TLCD3B: variants seen among roughly 807,000 people sequenced by gnomAD.
The protein encoded by TLCD3B is TLC domain containing 3B, also known as ceramide synthase.
TLCD3B carries 9 observed loss-of-function variants against 23.0 expected under a neutral mutation model. The observed-to-expected ratio is 0.39, with a 90% confidence interval of 0.24 to 0.68. The LOEUF (loss-of-function observed/expected upper bound fraction) is 0.68, where lower values mean the gene tolerates loss of function less well. Ranked by LOEUF, TLCD3B falls within the 30% of genes least tolerant of loss-of-function variation. The probability of loss-of-function intolerance (pLI) is 0.44; values close to 1 mark genes in which losing one functional copy is unlikely to be tolerated. For synonymous variants in TLCD3B, 161 were observed against 161.0 expected, an observed-to-expected ratio of 1.00 and a Z score of 0.00; for missense variants, 307 against 371.8, an observed-to-expected ratio of 0.83 and a Z score of 1.43.
rs1199417114 is a variant in TLCD3B, at chr16:30,025,060, G to T, written c.*123C>A. 4.7e-6 allele frequency: 3 copies of T among 644,186 alleles called. No individual in the cohort carries two copies. Among genetic ancestry groups the T allele is most frequent in the Middle Eastern group, 4.2e-4 (1 of 2,358 alleles). The allele number at this position is 644,186 out of a possible 1,614,324, so 39.9% of individuals were successfully genotyped here. A position where few individuals can be genotyped will look rare whatever the true frequency, so the allele number is the denominator to read the frequency against. On this transcript the variant is annotated 3_prime_UTR_variant, in exon 5 of 5. Transcript: ENST00000380495. The surrounding 1 kb of genome is among the most constrained non-coding windows in gnomAD (Gnocchi z 4.1). The stretch of plus-strand genomic sequence containing the variant: ...GAGATGGGGCCTCTTCCCTTTCGGG[G>T]TCATCGTCAGTCCTGGGGTTGTCCG...
chr16:30,042,757 TTTG>T (rs2071598088), intron 2 of TLCD3B, among the ~76,000 whole-genome samples: 2 of 152,138 alleles, frequency 1.3e-5, no homozygotes, highest in African/African-American at 4.8e-5. Context: ...ATGGGTGTTT[TTTG>T]TTGTTGTTAT....
At chr16:30,045,092 C>CAAAAAA (rs1162281544) in intron 2 of TLCD3B, among the ~76,000 whole-genome samples, 27 of 22,208 alleles carry the variant, frequency 1.2e-3, no homozygotes, top group African/African-American at 2.1e-3. Flanking sequence ...GACTCCATCT[C>CAAAAAA]AAAAAAAAAA....
At chr16:30,027,006 A>G (rs2071173376) in intron 2 of TLCD3B, 163 bp from the exon 3 acceptor site, 4 of 702,402 alleles carry the variant, frequency 5.7e-6, no homozygotes, top group Non-Finnish European at 7.7e-6. Flanking sequence ...CCAAGGTCAC[A>G]CAGTCATGCA....
chr16:30,050,281 G>A (rs969088918), intron 1 of TLCD3B, among the ~76,000 whole-genome samples: 1 of 152,206 alleles, frequency 6.6e-6, no homozygotes, highest in African/African-American at 2.4e-5. Context: ...GTTCACGCTT[G>A]TAATCCCAGC....
chr16:30,037,398 C>A (rs1302783935), intron 3 of TLCD3B, among the ~76,000 whole-genome samples: 1 of 151,940 alleles, frequency 6.6e-6, no homozygotes, highest in Non-Finnish European at 1.5e-5. Flanking sequence ...AAAAATTTAG[C>A]CAGGCGCGTT....
At chr16:30,039,905 G>C (rs879871597) in intron 3 of TLCD3B, among the ~76,000 whole-genome samples, 2 of 151,920 alleles carry the variant, frequency 1.3e-5, no homozygotes, top group African/African-American at 2.4e-5. Flanking sequence ...AGGCAGAAGG[G>C]GGTGGATCAC....
intron 3 of TLCD3B, among the ~76,000 whole-genome samples, chr16:30,026,297 C>T (rs1011354312): frequency 6.6e-6 from 1 of 152,084 alleles, no homozygotes; most frequent in Non-Finnish European, 1.5e-5. Flanking sequence ...TGGCTGCATC[C>T]CTCTCACGGT....
upstream of TLCD3B, among the ~76,000 whole-genome samples, chr16:30,034,199 G>C (rs1476749392): frequency 6.6e-6 from 1 of 151,688 alleles, no homozygotes. Flanking sequence ...AGAATCACTT[G>C]TCAGGGAGGT....
chr16:30,033,891 G>A (rs1260602796), upstream of TLCD3B: 2 of 151,992 alleles, frequency 1.3e-5, no homozygotes, highest in African/African-American at 4.8e-5. Context: ...GCTTGAACTT[G>A]GGAGGTGAAG....
intron 2 of TLCD3B, among the ~76,000 whole-genome samples, chr16:30,028,315 C>A (rs767109998): frequency 3.9e-5 from 6 of 152,112 alleles, no homozygotes; most frequent in Non-Finnish European, 7.4e-5. Flanking sequence ...CCTGGATTAA[C>A]CCGGATCCTC....
upstream of TLCD3B, chr16:30,033,232 G>C (rs1187959657): frequency 6.6e-6 from 1 of 152,346 alleles, no homozygotes; most frequent in Non-Finnish European, 1.5e-5. Context: ...CTGGGCGACA[G>C]AGCGAGACTC....
At chr16:30,026,904 T>C (rs1056993328) in intron 2 of TLCD3B, 61 bp from the exon 3 acceptor site, 12 of 1,424,546 alleles carry the variant, frequency 8.4e-6, no homozygotes, top group African/African-American at 1.4e-5. Context: ...GTGATTGGGG[T>C]CAGATCTCAG....
In TLCD3B at chr16:30,024,605, C is replaced by T. The variant is rs769016233; in HGVS notation, c.*578G>A. The T allele has an allele frequency of 5.5e-5, 16 of 289,620 alleles. No homozygotes were observed. The highest frequency in any genetic ancestry group is 9.7e-5 in the Non-Finnish European group (15 of 154,952). The allele number at this position is 289,620 out of a possible 1,614,324, so 17.9% of individuals were successfully genotyped here. ...CGCCCTCGCCTGCCCCCGGGGTTGT[C>T]AGCACTGGGAAGGCTTGGGGGTAGC... On this transcript the variant is annotated 3_prime_UTR_variant, in exon 5 of 5. Coordinates refer to ENST00000380495, the MANE Select transcript of TLCD3B (RefSeq NM_031478.6).
In TLCD3B at chr16:30,026,818, GC is replaced by G. The variant is rs2150976700; in HGVS notation, c.234del (p.Gln79AsnfsTer43). 1 of 1,614,140 alleles carries G rather than the reference GC, an allele frequency of 6.2e-7. No individual in the cohort carries two copies. ...TAGATGAAGTAGGGCACAGCAAATT[GC>G]GTGTAGGCAGAGGACAGCCAGTGTC... is the stretch of plus-strand genomic sequence containing the variant. ...DDQHWLSSAY[T>X]QFAVPYFIYD... On this transcript the variant is annotated frameshift_variant, in exon 3 of 5. Coordinates refer to ENST00000380495, the MANE Select transcript of TLCD3B (RefSeq NM_031478.6). LOFTEE classifies it high-confidence loss of function.
rs764857403 is a variant in TLCD3B, at chr16:30,030,640, C to T, written c.-113G>A. ...CCAAGCCCGGGAAGGAGGGAGAAAA[C>T]GATGAGAAGGGGCACAAAGGGGCCA... On this transcript the variant is annotated 5_prime_UTR_variant, in exon 1 of 5. Coordinates refer to ENST00000380495, the MANE Select transcript of TLCD3B (RefSeq NM_031478.6). The T allele has an allele frequency of 1.1e-4, 142 of 1,256,354 alleles. No homozygotes were observed. Among genetic ancestry groups the T allele is most frequent in the Non-Finnish European group, 1.4e-4 (135 of 993,280 alleles). 77.8% of individuals were successfully genotyped at this position (1,256,354 alleles called of 1,614,324 possible).
chr16:30,034,693 A>G (rs1596759664), upstream of TLCD3B, among the ~76,000 whole-genome samples: 1 of 152,178 alleles, frequency 6.6e-6, no homozygotes, highest in African/African-American at 2.4e-5. Context: ...TGAGTCCTCC[A>G]GCCTATATCA....
chr16:30,041,511 C>T (rs1232744005), intron 2 of TLCD3B, among the ~76,000 whole-genome samples: 2 of 152,024 alleles, frequency 1.3e-5, no homozygotes, highest in African/African-American at 2.4e-5. Context: ...GTGAGCTGCC[C>T]GCCTTGGCCT....
chr16:30,033,991 A>G (rs2071417854), upstream of TLCD3B, among the ~76,000 whole-genome samples: 1 of 151,884 alleles, frequency 6.6e-6, no homozygotes, highest in African/African-American at 2.4e-5. Flanking sequence ...ATTGGGAGAC[A>G]GCCCACCACA....
At chr16:30,044,062 T>C (rs2071618276) in intron 2 of TLCD3B, among the ~76,000 whole-genome samples, 1 of 150,904 alleles carries the variant, frequency 6.6e-6, no homozygotes, top group Non-Finnish European at 1.5e-5. Flanking sequence ...AGTGGTGCGA[T>C]CTCAGCTCAC....
Sources: allele counts gnomAD v4.1 joint callset (sites outside exome capture counted in the v4.1 genomes callset), GRCh38; gene constraint gnomAD v4.1.1; non-coding constraint Gnocchi (gnomAD v3.1); transcripts MANE v1.5; gene names NCBI Gene and HGNC (gene_info 2026-07-23, HGNC 2026-07-21).